The following COPG2 variants were observed in gnomAD, a reference collection of about 807,000 sequenced individuals.
COPG2 encodes the protein coatomer subunit gamma-2.
A neutral mutation model predicts 46.3 loss-of-function variants in COPG2; 37 were observed. That is an observed-to-expected ratio of 0.80 (90% CI 0.61 to 1.05). The LOEUF (loss-of-function observed/expected upper bound fraction) is 1.05, where lower values mean the gene tolerates loss of function less well. Ranked by LOEUF, COPG2 falls within the 50% of genes least tolerant of loss-of-function variation. The pLI, the probability that COPG2 is intolerant of heterozygous loss-of-function variation, is 0.00. For missense variants in COPG2, 427 were observed against 387.8 expected, an observed-to-expected ratio of 1.10 and a Z score of -0.85; for synonymous variants, 159 against 129.7, an observed-to-expected ratio of 1.23 and a Z score of -1.53.
At position 130,583,493 on chromosome 7, in the gene COPG2, T is replaced by TAAA. The variant is rs782593413; in HGVS notation, c.738-19103_738-19101dup. Among the ~76,000 whole-genome samples, 42 of 34,382 alleles carry TAAA rather than the reference T, an allele frequency of 1.2e-3. 1 individual carries two copies. Among genetic ancestry groups the TAAA allele is most frequent in the African/African-American group, 4.5e-3 (31 of 6,944 alleles). The allele number at this position is 34,382 out of a possible 152,430, so 22.6% of individuals were successfully genotyped here. ...CACATGTACCCTAAAACATAAAGTA[T>TAAA]AAAAAAAAAAAAAAAAAAAAAAAAA... is the stretch of plus-strand genomic sequence containing the variant. On this transcript the variant is annotated intron_variant, in intron 9 of 23. Transcript: ENST00000425248.
intron 5 of COPG2, among the ~76,000 whole-genome samples, chr7:130,638,505 G>A (rs1795391062): frequency 6.6e-6 from 1 of 152,074 alleles, no homozygotes; most frequent in African/African-American, 2.4e-5. Context: ...TCAAACTTCT[G>A]GGCACCTTTG....
At chr7:130,564,417 A>G (rs1219723213) in intron 9 of COPG2, 24 bp from the exon 10 acceptor site, 1 of 398,464 alleles carries the variant, frequency 2.5e-6, no homozygotes, top group Non-Finnish European at 4.4e-6. Flanking sequence ...TTTATAGGCC[A>G]TTATTTAGAT....
intron 20 of COPG2, among the ~76,000 whole-genome samples, chr7:130,534,503 G>C (rs1439375100): frequency 1.3e-5 from 2 of 152,174 alleles, no homozygotes; most frequent in African/African-American, 2.4e-5. Flanking sequence ...GGCTCCAATG[G>C]GGGTGGGGGG....
At chr7:130,659,690 G>C (rs1795935325) in intron 4 of COPG2, among the ~76,000 whole-genome samples, 1 of 152,178 alleles carries the variant, frequency 6.6e-6, no homozygotes, top group African/African-American at 2.4e-5. Context: ...AAGGCGGGCA[G>C]ATAAAGAGGT....
At chr7:130,577,777 AAAAAAAAAAAAC>A (rs1794036748) in intron 9 of COPG2, among the ~76,000 whole-genome samples, 1 of 150,878 alleles carries the variant, frequency 6.6e-6, no homozygotes, top group Non-Finnish European at 1.5e-5. Context: ...CAAAAAAAAA[AAAAAAAAAAAAC>A]AAAAAAAAAA....
intron 20 of COPG2, among the ~76,000 whole-genome samples, chr7:130,515,326 G>C (rs1388597825): frequency 1.3e-5 from 2 of 152,056 alleles, no homozygotes; most frequent in African/African-American, 2.4e-5. Flanking sequence ...ACAGGAGAAA[G>C]ATAGAGAGTG....
chr7:130,663,089 T>C (rs1796010025), intron 3 of COPG2, 51 bp from the exon 4 acceptor site: 1 of 925,642 alleles, frequency 1.1e-6, no homozygotes, highest in Non-Finnish European at 1.6e-6. Flanking sequence ...TATATTCATA[T>C]ATATGTACAT....
At chr7:130,621,877 G>A (rs1795044492) in intron 5 of COPG2, among the ~76,000 whole-genome samples, 2 of 148,632 alleles carry the variant, frequency 1.3e-5, no homozygotes, top group Non-Finnish European at 3.0e-5. Context: ...CCAGGAGATG[G>A]AGGTTGCAGT....
At chr7:130,620,089 CTA>C (rs1795012869) in intron 5 of COPG2, among the ~76,000 whole-genome samples, 1 of 152,030 alleles carries the variant, frequency 6.6e-6, no homozygotes, top group Non-Finnish European at 1.5e-5. Context: ...TAATACGTAG[CTA>C]TGTTTTTAAA....
chr7:130,546,777 G>A (rs1793451265), intron 20 of COPG2: 2 of 152,176 alleles, frequency 1.3e-5, no homozygotes, highest in African/African-American at 4.8e-5. Context: ...ATGATGACCA[G>A]GGATAACTAT....
chr7:130,661,631 C>T (rs1436423629), intron 4 of COPG2, among the ~76,000 whole-genome samples: 2 of 152,146 alleles, frequency 1.3e-5, no homozygotes, highest in Admixed American at 6.5e-5. Flanking sequence ...TAGTAGTCCA[C>T]AGCATGCAGT....
intron 3 of COPG2, among the ~76,000 whole-genome samples, chr7:130,666,268 T>G (rs1438538008): frequency 5.3e-5 from 8 of 152,206 alleles, no homozygotes; most frequent in Non-Finnish European, 1.0e-4. Flanking sequence ...AAAGAAAATA[T>G]CTGGAATTTG....
intron 9 of COPG2, among the ~76,000 whole-genome samples, chr7:130,593,538 T>C (rs141184827): frequency 5.3e-5 from 8 of 152,258 alleles, no homozygotes; most frequent in African/African-American, 1.9e-4. Context: ...AAGAAAGCTA[T>C]TATAATAAGG....
At chr7:130,513,308 A>AAATATAT (rs1236511164) in intron 20 of COPG2, among the ~76,000 whole-genome samples, 2 of 55,668 alleles carry the variant, frequency 3.6e-5, no homozygotes, top group Non-Finnish European at 5.9e-5. Flanking sequence ...AAAAAAAAAA[A>AAATATAT]ATATATATAT....
chr7:130,667,422 C>A (rs1334513618), intron 2 of COPG2, 60 bp downstream of exon 2: 2 of 1,386,302 alleles, frequency 1.4e-6, no homozygotes, highest in Admixed American at 1.8e-5. Flanking sequence ...CAGGGATTCT[C>A]TGCCCACCAC....
intron 5 of COPG2, among the ~76,000 whole-genome samples, chr7:130,649,669 C>T (rs1477426544): frequency 2.0e-5 from 3 of 152,204 alleles, no homozygotes; most frequent in Non-Finnish European, 2.9e-5. Flanking sequence ...TAAATGTTTT[C>T]TCTATCCTGC....
chr7:130,652,180 T>C (rs567357075), intron 5 of COPG2, among the ~76,000 whole-genome samples: 2 of 152,242 alleles, frequency 1.3e-5, no homozygotes, highest in African/African-American at 2.4e-5. Context: ...CATCAATATA[T>C]ATAAGTTTTT....
At chr7:130,605,930 T>C (rs1319944005) in intron 9 of COPG2, 8 of 373,304 alleles carry the variant, frequency 2.1e-5, no homozygotes, top group Non-Finnish European at 3.7e-5. Context: ...GTAAGTGAAG[T>C]GTTACTGCGA....
chr7:130,665,255 T>A (rs1796052259), intron 3 of COPG2, among the ~76,000 whole-genome samples: 1 of 152,172 alleles, frequency 6.6e-6, no homozygotes, highest in African/African-American at 2.4e-5. Context: ...AATCTCTGAG[T>A]GAGGTCTTCA....
Sources: allele counts gnomAD v4.1 joint callset (sites outside exome capture counted in the v4.1 genomes callset), GRCh38; gene constraint gnomAD v4.1.1; transcripts MANE v1.5; gene names NCBI Gene and HGNC (gene_info 2026-07-23, HGNC 2026-07-21).